The following DMBX1 variants were observed in gnomAD, a reference collection of about 807,000 sequenced individuals.
DMBX1 encodes diencephalon/mesencephalon homeobox 1.
Under a neutral mutation model 30.4 loss-of-function variants are expected in DMBX1, and 7 were observed. The ratio of observed to expected loss-of-function variants is 0.23; its 90% confidence interval spans 0.13 to 0.43. The LOEUF (loss-of-function observed/expected upper bound fraction) is 0.43. Ranked by LOEUF, DMBX1 falls within the 20% of genes least tolerant of loss-of-function variation. DMBX1 has a pLI of 1.00. For missense variants in DMBX1, 460 were observed against 508.5 expected (o/e 0.90, Z 0.92); for synonymous variants, 222 against 214.2 (o/e 1.04, Z -0.32).
In DMBX1 at chr1:46,512,810, T is replaced by C; in HGVS notation, c.*316T>C. 1 of 368,990 alleles carries C rather than the reference T, an allele frequency of 2.7e-6. No individual in the cohort carries two copies. Among genetic ancestry groups the C allele is most frequent in the Non-Finnish European group, 4.9e-6 (1 of 204,374 alleles). 22.9% of individuals were successfully genotyped at this position (368,990 alleles called of 1,614,324 possible). A position where few individuals can be genotyped will look rare whatever the true frequency, so the allele number is the denominator to read the frequency against. On this transcript the variant is annotated 3_prime_UTR_variant, in exon 6 of 6. Transcript: ENST00000360032. The surrounding 1 kb of genome is among the most constrained non-coding windows in gnomAD (Gnocchi z 4.8). ...TCTCAATAGCACCTCCTCCCTTTTCTCCCTATCCTTCTGCCCCCTAGTAAG... is the reference window on the plus strand; with the variant it reads ...TCTCAATAGCACCTCCTCCCTTTTCCCCCTATCCTTCTGCCCCCTAGTAAG...
At position 46,512,351 on chromosome 1, in the gene DMBX1, G is replaced by A. The variant is rs745545175; in HGVS notation, c.991G>A (p.Gly331Arg). Residue 331 changes from glycine (G) to arginine (R), a missense_variant, in exon 6 of 6, where the codon GGG becomes AGG. Gly to Arg is a moderately radical substitution (Grantham distance 125, BLOSUM62 -2). This residue lies in a region of DMBX1 where 334 missense variants were observed against 345.1 expected (regional missense o/e 0.97). Transcript: ENST00000360032. The surrounding 1 kb of genome is among the most constrained non-coding windows in gnomAD (Gnocchi z 4.8). Reference sequence around the variant, plus strand: ...CGCTGCTGCCCACCAGGGTGTGTGGGGGTCTCCTCTGCTGCCTGCACCCCC... The same window carrying A: ...CGCTGCTGCCCACCAGGGTGTGTGGAGGTCTCCTCTGCTGCCTGCACCCCC... ...AAAAAHQGVWGSPLLPAPPAG... is the reference protein window; with the variant it reads ...AAAAAHQGVWRSPLLPAPPAG... 2 of 1,613,994 alleles carry A rather than the reference G, an allele frequency of 1.2e-6. No individual in the cohort carries two copies. Among genetic ancestry groups the A allele is most frequent in the Admixed American group, 3.3e-5 (2 of 60,024 alleles).
At position 46,514,478 on chromosome 1, in the gene DMBX1, G is replaced by A. The variant is rs1339426432; in HGVS notation, c.*1984G>A. Among the ~76,000 whole-genome samples, 2 of 152,214 alleles carry A rather than the reference G, an allele frequency of 1.3e-5. No individual in the cohort carries two copies. Among genetic ancestry groups the A allele is most frequent in the Non-Finnish European group, 2.9e-5 (2 of 68,034 alleles). ...ACACACAAGCCTCACTGTAGACACT[G>A]CCTCAGTTTCCCCATAGGCATAATG... On this transcript the variant is annotated 3_prime_UTR_variant, in exon 6 of 6. Transcript: ENST00000360032.
intron 2 of DMBX1, among the ~76,000 whole-genome samples, chr1:46,506,257 T>C (rs1267410253): frequency 6.6e-6 from 1 of 152,140 alleles, no homozygotes; most frequent in Non-Finnish European, 1.5e-5. Flanking sequence ...GAGGTTTCAC[T>C]ATGTTGGCCA....
chr1:46,498,889 C>T (rs564116001), intron 2 of DMBX1, among the ~76,000 whole-genome samples: 1 of 152,210 alleles, frequency 6.6e-6, no homozygotes, highest in South Asian at 2.1e-4. Flanking sequence ...GCCTTGATGT[C>T]CAGCTGTAGT....
chr1:46,498,191 G>A (rs547703855), intron 2 of DMBX1, among the ~76,000 whole-genome samples: 1 of 152,248 alleles, frequency 6.6e-6, no homozygotes, highest in South Asian at 2.1e-4. Flanking sequence ...CTGGGAAAGG[G>A]CCCACTGGGC....
chr1:46,507,389 G>A (rs1666261939), intron 3 of DMBX1, among the ~76,000 whole-genome samples: 1 of 152,206 alleles, frequency 6.6e-6, no homozygotes. Flanking sequence ...GCTGCCCTAT[G>A]CTTTCAAATT....
chr1:46,504,631 T>C (rs1205732910), intron 2 of DMBX1, among the ~76,000 whole-genome samples: 3 of 147,428 alleles, frequency 2.0e-5, no homozygotes, highest in East Asian at 4.0e-4. Flanking sequence ...TGTAGTATAG[T>C]TTGAAGTCAG....
At position 46,512,587 on chromosome 1, in the gene DMBX1, G is replaced by A. The variant is rs1299026739; in HGVS notation, c.*93G>A. 4.3e-6 allele frequency: 6 copies of A among 1,390,528 alleles called. No homozygotes were observed. 86.1% of individuals were successfully genotyped at this position (1,390,528 alleles called of 1,614,324 possible). A position where few individuals can be genotyped will look rare whatever the true frequency, so the allele number is the denominator to read the frequency against. On this transcript the variant is annotated 3_prime_UTR_variant, in exon 6 of 6. Transcript: ENST00000360032. The surrounding 1 kb of genome is among the most constrained non-coding windows in gnomAD (Gnocchi z 4.8). ...GGCTCTCGAGGAGTTAACTCCATGAGCCCAGGGATCCTAGGGCCTGGGGTC... is the reference window on the plus strand; with the variant it reads ...GGCTCTCGAGGAGTTAACTCCATGAACCCAGGGATCCTAGGGCCTGGGGTC...
At chr1:46,501,217 T>C (rs59301424) in intron 2 of DMBX1, among the ~76,000 whole-genome samples, 27,317 of 55,372 alleles carry the variant, frequency 0.49, 5,440 homozygotes, top group Non-Finnish European at 0.57. Flanking sequence ...TTCCTTCCTT[T>C]CTTTCTTTCT....
chr1:46,489,972 C>T (rs2148478512), intron 1 of DMBX1, among the ~76,000 whole-genome samples, 95 bp downstream of exon 1: 1 of 152,268 alleles, frequency 6.6e-6, no homozygotes, highest in African/African-American at 2.4e-5. Flanking sequence ...GGACAGCCTC[C>T]CCTCTTGCGG....
chr1:46,508,075 T>C (rs1274766453), intron 3 of DMBX1, among the ~76,000 whole-genome samples: 1 of 151,612 alleles, frequency 6.6e-6, no homozygotes, highest in Non-Finnish European at 1.5e-5. Flanking sequence ...GTGGCATGGA[T>C]GGGGAGTTTG....
chr1:46,499,029 G>A (rs1666074322), intron 2 of DMBX1, among the ~76,000 whole-genome samples: 1 of 151,628 alleles, frequency 6.6e-6, no homozygotes, highest in Admixed American at 6.6e-5. Flanking sequence ...GAGGGAATGT[G>A]TTTTTTCTTT....
chr1:46,498,464 CT>C (rs1237701644), intron 2 of DMBX1, among the ~76,000 whole-genome samples: 1 of 151,606 alleles, frequency 6.6e-6, no homozygotes, highest in South Asian at 2.1e-4. Context: ...TCTCTCCTTG[CT>C]TTTTTTTTCT....
In DMBX1 at chr1:46,512,213, G is replaced by T. The variant is rs115396595; in HGVS notation, c.853G>T (p.Gly285Cys). 84 of 1,614,028 alleles carry T rather than the reference G, an allele frequency of 5.2e-5. 1 individual carries two copies. In the African/African-American group the frequency reaches 9.2e-4, roughly 18 times the overall value. ...LVHYSSFEVG[G>C]PAPAAAAAAA... The stretch of plus-strand genomic sequence containing the variant: ...GCACTACTCGTCCTTCGAAGTAGGG[G>T]GTCCGGCCCCTGCTGCTGCAGCGGC... Residue 285 changes from glycine to cysteine, a missense_variant, in exon 6 of 6, where the codon GGT becomes TGT. By Grantham distance (159) the Gly-to-Cys change is radical (BLOSUM62 -3). Around this residue, in one of 3 missense-constraint regions of DMBX1, gnomAD observed 334 missense variants for 345.1 expected, o/e 0.97. Coordinates refer to ENST00000360032, the MANE Select transcript of DMBX1 (RefSeq NM_172225.2). This position sits in a 1 kb window ranked among gnomAD's most constrained non-coding sequence, Gnocchi z 4.8.
Position 46,493,529 on chromosome 1 carries a change from C to T in DMBX1, c.-13+2746C>T, listed in dbSNP as rs533050259. Among the ~76,000 whole-genome samples, 6 of 152,344 alleles carry T rather than the reference C, an allele frequency of 3.9e-5. No individual in the cohort carries two copies. In the South Asian group the frequency reaches 8.3e-4, roughly 21 times the overall value. ...AGATCCCAGCTCTGGTGGCTCTGGC[C>T]CCAACTGTTCTTCGGACTTTAGCCA... On this transcript the variant is annotated intron_variant, in intron 2 of 5. Coordinates refer to ENST00000360032, the MANE Select transcript of DMBX1 (RefSeq NM_172225.2). The surrounding 1 kb of genome is among the most constrained non-coding windows in gnomAD (Gnocchi z 4.1).
rs758103058 is a variant in DMBX1 at position 46,511,106 on chromosome 1, G to A, written c.505G>A (p.Asp169Asn). The A allele has an allele frequency of 1.3e-5, 21 of 1,613,896 alleles. No homozygotes were observed. The highest frequency in any genetic ancestry group is 1.2e-4 in the South Asian group (11 of 91,082). ...GCAGCCCCCACGTCTGCCTGGCAGCGACCCCCCTGCTGAGCTTCACCTGAG... is the reference window on the plus strand; with the variant it reads ...GCAGCCCCCACGTCTGCCTGGCAGCAACCCCCCTGCTGAGCTTCACCTGAG... ...TEQPPRLPGS[D>N]PPAELHLSLS... The change falls in exon 5 of 6, where the codon GAC becomes AAC. Residue 169 changes from aspartate (D) to asparagine (N), a missense_variant. Coordinates refer to ENST00000360032, the MANE Select transcript of DMBX1 (RefSeq NM_172225.2).
chr1:46,515,816 A>G lies in DMBX1; in HGVS notation c.*3322A>G, dbSNP rs1170607417. ...CTGAAAGCCAGAGGCTCAAGCTCTGACTGTCCCTTCCAGGAATGCCTCATG... is the reference window on the plus strand; with the variant it reads ...CTGAAAGCCAGAGGCTCAAGCTCTGGCTGTCCCTTCCAGGAATGCCTCATG... On this transcript the variant is annotated 3_prime_UTR_variant, in exon 6 of 6. Coordinates refer to ENST00000360032, the MANE Select transcript of DMBX1 (RefSeq NM_172225.2). Among the ~76,000 whole-genome samples the G allele has an allele frequency of 6.6e-6, 1 of 152,174 alleles. No individual in the cohort carries two copies. The highest frequency in any genetic ancestry group is 1.9e-4 in the East Asian group (1 of 5,184).
At chr1:46,502,520 G>A (rs1666157165) in intron 2 of DMBX1, among the ~76,000 whole-genome samples, 1 of 152,110 alleles carries the variant, frequency 6.6e-6, no homozygotes, top group Non-Finnish European at 1.5e-5. Flanking sequence ...TGTCCTAGTG[G>A]CCTGGTCTCT....
At chr1:46,496,990 G>A (rs969548214) in intron 2 of DMBX1, among the ~76,000 whole-genome samples, 1 of 152,242 alleles carries the variant, frequency 6.6e-6, no homozygotes, top group Admixed American at 6.5e-5. Flanking sequence ...AGATAAAGGG[G>A]CAGCAGCCTT....
Sources: allele counts gnomAD v4.1 joint callset (sites outside exome capture counted in the v4.1 genomes callset), GRCh38; gene constraint gnomAD v4.1.1; regional missense constraint gnomAD v4.1.1; non-coding constraint Gnocchi (gnomAD v3.1); transcripts MANE v1.5; gene names NCBI Gene and HGNC (gene_info 2026-07-23, HGNC 2026-07-21).